FMN2: variants seen among roughly 807,000 people sequenced by gnomAD.
FMN2 encodes the protein formin 2.
FMN2 carries 51 observed loss-of-function variants against 142.3 expected under a neutral mutation model. The ratio of observed to expected loss-of-function variants is 0.36; its 90% CI spans 0.29 to 0.45. The LOEUF is 0.45. Among genes scored for constraint, FMN2 ranks in the 20% least tolerant of loss-of-function variants. The pLI is 1.00. For missense variants in FMN2, 1,936 were observed against 2,122.8 expected (o/e 0.91, Z 1.73); for synonymous variants, 882 against 869.8 (o/e 1.01, Z -0.25).
At chr1:240,406,601 G>C (rs10926244) in intron 15 of FMN2, among the ~76,000 whole-genome samples, 4,336 of 152,216 alleles carry the variant, frequency 0.028, 217 homozygotes, top group African/African-American at 0.099. Flanking sequence ...TGCGTGGCTA[G>C]AGTTAGCATA....
chr1:240,153,073 T>C (rs1663852119), intron 2 of FMN2, among the ~76,000 whole-genome samples: 1 of 152,128 alleles, frequency 6.6e-6, no homozygotes, highest in Admixed American at 6.5e-5. Context: ...GTAAGTGTGG[T>C]GGAATCCCCA....
rs992997425 is a variant in FMN2 at position 240,097,978 on chromosome 1, A to G, written c.1615+4254A>G. Among the ~76,000 whole-genome samples, 7 of 152,232 alleles carry G rather than the reference A, an allele frequency of 4.6e-5. No individual in the cohort carries two copies. The East Asian group carries it at 9.7e-4, about 21-fold the overall frequency. On this transcript the variant is annotated intron_variant, in intron 1 of 17. Transcript: ENST00000319653. ...AAAACCAAATCTGTTGTTAATATGT[A>G]TAAGATGAAACCAAGTAGATCATTG...
chr1:240,187,269 C>CAAA (rs10610560), intron 3 of FMN2, among the ~76,000 whole-genome samples: 55 of 83,724 alleles, frequency 6.6e-4, no homozygotes, highest in South Asian at 8.9e-4. Flanking sequence ...AACTCCATCT[C>CAAA]AAAAAAAAAA....
chr1:240,375,311 G>T (rs1368539722), intron 14 of FMN2, among the ~76,000 whole-genome samples: 3 of 152,144 alleles, frequency 2.0e-5, no homozygotes, highest in South Asian at 4.2e-4. Context: ...TTGTAAAAAT[G>T]GTGCCAATAG....
At chr1:240,125,591 G>A (rs1271064131) in intron 2 of FMN2, among the ~76,000 whole-genome samples, 1 of 152,192 alleles carries the variant, frequency 6.6e-6, no homozygotes, top group Non-Finnish European at 1.5e-5. Context: ...TCTAGCACTT[G>A]CTTTTTGATT....
chr1:240,372,284 G>A (rs1285012224), intron 14 of FMN2, among the ~76,000 whole-genome samples: 4 of 152,094 alleles, frequency 2.6e-5, no homozygotes, highest in African/African-American at 9.7e-5. Context: ...ATGGCAAATG[G>A]TCTCATATCA....
chr1:240,151,086 T>A (rs10926144), intron 2 of FMN2, among the ~76,000 whole-genome samples: 1 of 152,254 alleles, frequency 6.6e-6, no homozygotes, highest in Non-Finnish European at 1.5e-5. Flanking sequence ...CCAATTGTTA[T>A]GTTGATTTAA....
intron 15 of FMN2, among the ~76,000 whole-genome samples, chr1:240,397,785 CAAAA>C (rs35826717): frequency 6.0e-3 from 282 of 46,780 alleles, no homozygotes; most frequent in South Asian, 0.039. Context: ...GACTCCTTCT[CAAAA>C]AAAAAAAAAA....
intron 3 of FMN2, among the ~76,000 whole-genome samples, chr1:240,184,800 A>G (rs1033692661): frequency 2.0e-5 from 3 of 151,976 alleles, no homozygotes; most frequent in East Asian, 3.9e-4. Context: ...AGGGAGCTCT[A>G]TGAAAGTTGG....
chr1:240,251,808 T>C (rs1668285976), intron 6 of FMN2, among the ~76,000 whole-genome samples: 1 of 152,252 alleles, frequency 6.6e-6, no homozygotes, highest in Non-Finnish European at 1.5e-5. Flanking sequence ...TATCATCTTC[T>C]TTATAAGCGG....
chr1:240,182,422 A>T (rs1665190813), intron 3 of FMN2, among the ~76,000 whole-genome samples: 1 of 152,178 alleles, frequency 6.6e-6, no homozygotes, highest in African/African-American at 2.4e-5. Flanking sequence ...ATGGAAGAGG[A>T]TCTGGTAGAA....
intron 13 of FMN2, among the ~76,000 whole-genome samples, chr1:240,349,820 A>G (rs1672030259): frequency 6.6e-6 from 1 of 152,264 alleles, no homozygotes. Context: ...CGGTTATGCC[A>G]ACAGTCTCCT....
chr1:240,320,779 G>A (rs1052761898), intron 8 of FMN2, among the ~76,000 whole-genome samples: 2 of 152,078 alleles, frequency 1.3e-5, no homozygotes, highest in Non-Finnish European at 2.9e-5. Context: ...TCTTTTTGAG[G>A]GGATCTGCAA....
intron 6 of FMN2, among the ~76,000 whole-genome samples, chr1:240,223,905 A>G (rs1392044825): frequency 2.0e-5 from 3 of 151,822 alleles, no homozygotes; most frequent in Middle Eastern, 3.2e-3. Flanking sequence ...CTAGTGGTCT[A>G]TTTTGTTAAT....
intron 4 of FMN2, among the ~76,000 whole-genome samples, chr1:240,200,310 T>C (rs1357448840): frequency 6.6e-6 from 1 of 152,184 alleles, no homozygotes; most frequent in Non-Finnish European, 1.5e-5. Context: ...ATATCTGCCA[T>C]GTAAATTTCT....
In FMN2 at chr1:240,092,338, A is replaced by C; in HGVS notation, c.229A>C (p.Asn77His). ...KSDSRASVFS[N>H]LRIRKNLSKG... ...CGACTCCAGAGCCTCGGTGTTTTCC[A>C]ACCTGCGGATCAGGAAGAATCTGTC... is the stretch of plus-strand genomic sequence containing the variant. Residue 77 changes from asparagine to histidine, a missense_variant, in exon 1 of 18, where the codon AAC (asparagine) becomes CAC (histidine). Physicochemically the swap from Asn to His is moderately conservative, Grantham distance 68 (BLOSUM62 1). Transcript: ENST00000319653. The C allele has an allele frequency of 6.2e-7, 1 of 1,608,738 alleles. No homozygotes were observed. The highest frequency in any genetic ancestry group is 8.5e-7 in the Non-Finnish European group (1 of 1,176,684).
chr1:240,135,217 AT>A (rs1662889824), intron 2 of FMN2, among the ~76,000 whole-genome samples: 2 of 152,100 alleles, frequency 1.3e-5, no homozygotes, highest in South Asian at 4.1e-4. Context: ...AGGGCTGGAG[AT>A]TGTTTTGCTA....
At chr1:240,470,412 A>T (rs1572347613) in intron 16 of FMN2, among the ~76,000 whole-genome samples, 1 of 152,302 alleles carries the variant, frequency 6.6e-6, no homozygotes, top group East Asian at 1.9e-4. Context: ...ACAATGAAGT[A>T]TCTTCTAAGT....
intron 15 of FMN2, among the ~76,000 whole-genome samples, chr1:240,420,756 A>G (rs1674734229): frequency 1.3e-5 from 2 of 152,306 alleles, no homozygotes; most frequent in African/African-American, 4.8e-5. Context: ...GAGACTGCCC[A>G]TGCCCCACAT....
Sources: allele counts gnomAD v4.1 joint callset (sites outside exome capture counted in the v4.1 genomes callset), GRCh38; gene constraint gnomAD v4.1.1; transcripts MANE v1.5; gene names NCBI Gene and HGNC (gene_info 2026-07-23, HGNC 2026-07-21).